Variants in ZRANB3 observed in about 807,000 individuals in gnomAD.
ZRANB3 encodes the protein DNA annealing helicase and endonuclease ZRANB3.
A neutral mutation model predicts 133.8 loss-of-function variants in ZRANB3; 125 were observed. That is an observed-to-expected ratio of 0.93 (90% CI 0.81 to 1.08). The LOEUF (loss-of-function observed/expected upper bound fraction) is 1.08. Among genes scored for constraint, ZRANB3 ranks in the 50% least tolerant of loss-of-function variants. The pLI is 0.00. For synonymous variants in ZRANB3, 387 were observed against 432.7 expected (o/e 0.89, Z 1.31); for missense variants, 1,229 against 1,275.5 (o/e 0.96, Z 0.56).
intron 2 of ZRANB3, among the ~76,000 whole-genome samples, chr2:135,481,485 G>C (rs951628741): frequency 1.8e-4 from 27 of 152,090 alleles, no homozygotes; most frequent in Non-Finnish European, 3.1e-4. Context: ...TTGTAAATTT[G>C]TTTGAGTTCA....
At chr2:135,256,574 C>G (rs1352138801) in intron 12 of ZRANB3, among the ~76,000 whole-genome samples, 1 of 152,110 alleles carries the variant, frequency 6.6e-6, no homozygotes, top group Non-Finnish European at 1.5e-5. Context: ...GTGACCCACC[C>G]GCCTCAGTCT....
chr2:135,332,158 T>C (rs1479217659), intron 6 of ZRANB3, among the ~76,000 whole-genome samples: 1 of 152,184 alleles, frequency 6.6e-6, no homozygotes, highest in Non-Finnish European at 1.5e-5. Flanking sequence ...AGTAGAATTA[T>C]GGTATTTTTC....
intron 12 of ZRANB3, among the ~76,000 whole-genome samples, chr2:135,231,435 T>C (rs2105069101): frequency 6.6e-6 from 1 of 152,284 alleles, no homozygotes; most frequent in Admixed American, 6.5e-5. Flanking sequence ...CACATAATGT[T>C]ATTCATATGA....
intron 2 of ZRANB3, among the ~76,000 whole-genome samples, chr2:135,426,487 T>A (rs1363595693): frequency 6.6e-6 from 1 of 151,964 alleles, no homozygotes; most frequent in Non-Finnish European, 1.5e-5. Context: ...CAAAAGCTAA[T>A]CTACCATGAT....
intron 2 of ZRANB3, among the ~76,000 whole-genome samples, chr2:135,441,024 G>C (rs542432852): frequency 6.6e-6 from 1 of 151,928 alleles, no homozygotes; most frequent in East Asian, 1.9e-4. Flanking sequence ...ATAATGGAAG[G>C]CCCAGAAAAA....
At chr2:135,393,443 C>A (rs1574029115) in intron 2 of ZRANB3, among the ~76,000 whole-genome samples, 1 of 150,414 alleles carries the variant, frequency 6.6e-6, no homozygotes, top group South Asian at 2.1e-4. Context: ...TCTTAAAGCA[C>A]AGAACAGAAA....
intron 8 of ZRANB3, among the ~76,000 whole-genome samples, chr2:135,295,606 T>C (rs1682023576): frequency 6.6e-6 from 1 of 152,216 alleles, no homozygotes; most frequent in African/African-American, 2.4e-5. Context: ...ATGTGTGAAT[T>C]TGATCCTGTC....
chr2:135,309,994 T>C (rs1465635189), intron 8 of ZRANB3, among the ~76,000 whole-genome samples: 2 of 152,190 alleles, frequency 1.3e-5, no homozygotes, highest in Non-Finnish European at 2.9e-5. Flanking sequence ...TGGAGTGCAG[T>C]GTCATGATCT....
chr2:135,414,987 C>A, intron 2 of ZRANB3, among the ~76,000 whole-genome samples: 1 of 151,528 alleles, frequency 6.6e-6, no homozygotes. Context: ...CACTAAATGC[C>A]CACAAGAGAA....
intron 3 of ZRANB3, among the ~76,000 whole-genome samples, chr2:135,383,201 C>T (rs1686804765): frequency 2.0e-5 from 3 of 152,098 alleles, no homozygotes; most frequent in Admixed American, 2.0e-4. Flanking sequence ...CAATCCTAGT[C>T]TCTGATAAAA....
chr2:135,412,891 GTTC>G (rs1688374320), intron 2 of ZRANB3, among the ~76,000 whole-genome samples: 1 of 151,976 alleles, frequency 6.6e-6, no homozygotes, highest in Admixed American at 6.6e-5. Context: ...AGAAAAGGCA[GTTC>G]TTCTTAAAAA....
chr2:135,375,254 G>C (rs911752611), intron 3 of ZRANB3, among the ~76,000 whole-genome samples: 1 of 152,140 alleles, frequency 6.6e-6, no homozygotes, highest in Non-Finnish European at 1.5e-5. Context: ...AGAAAAATAT[G>C]AGACACAGAA....
At chr2:135,248,614 G>C (rs1042948784) in intron 12 of ZRANB3, among the ~76,000 whole-genome samples, 8 of 152,142 alleles carry the variant, frequency 5.3e-5, no homozygotes, top group Non-Finnish European at 5.9e-5. Flanking sequence ...CCATTAAAAA[G>C]TGGGCGAAGG....
chr2:135,428,633 G>A (rs1689193392), intron 2 of ZRANB3, among the ~76,000 whole-genome samples: 1 of 152,146 alleles, frequency 6.6e-6, no homozygotes, highest in Admixed American at 6.5e-5. Context: ...TTCAGAGTCT[G>A]TAAGAAACTT....
At chr2:135,300,602 A>G (rs1194988952) in intron 8 of ZRANB3, among the ~76,000 whole-genome samples, 1 of 152,218 alleles carries the variant, frequency 6.6e-6, no homozygotes, top group Non-Finnish European at 1.5e-5. Context: ...TGGCAGAAAT[A>G]TCAACCCAGT....
intron 3 of ZRANB3, among the ~76,000 whole-genome samples, chr2:135,388,770 G>C (rs1478033968): frequency 6.6e-6 from 1 of 152,040 alleles, no homozygotes. Flanking sequence ...TTTATGAAGA[G>C]CCATTTAGAG....
intron 8 of ZRANB3, among the ~76,000 whole-genome samples, chr2:135,286,934 A>G (rs147295940): frequency 6.6e-6 from 1 of 152,188 alleles, no homozygotes; most frequent in East Asian, 1.9e-4. Context: ...TTTAAGTCTC[A>G]TCTATTTATC....
chr2:135,466,477 G>A (rs1294053845), intron 2 of ZRANB3, among the ~76,000 whole-genome samples: 1 of 151,210 alleles, frequency 6.6e-6, no homozygotes, highest in Non-Finnish European at 1.5e-5. Context: ...CGAGGATCAT[G>A]TTTAAAGGAA....
chr2:135,275,570 A>C, intron 9 of ZRANB3, 66 bp downstream of exon 9: 1 of 1,365,206 alleles, frequency 7.3e-7, no homozygotes. Flanking sequence ...ATGAGACTAC[A>C]ACTGATGTTT....
Sources: allele counts gnomAD v4.1 joint callset (sites outside exome capture counted in the v4.1 genomes callset), GRCh38; gene constraint gnomAD v4.1.1; transcripts MANE v1.5; gene names NCBI Gene and HGNC (gene_info 2026-07-23, HGNC 2026-07-21).